Variants in OSBPL9 observed in about 807,000 individuals in gnomAD.
OSBPL9 encodes the protein oxysterol binding protein like 9.
In OSBPL9, 40 loss-of-function variants were observed where a neutral mutation model predicts 106.6. The ratio of observed to expected loss-of-function variants is 0.38; its 90% CI spans 0.29 to 0.49. The LOEUF is 0.49. OSBPL9 is among the 20% of genes least tolerant of loss of function. OSBPL9 has a pLI of 0.97. For missense variants in OSBPL9, 609 were observed against 887.2 expected, an observed-to-expected ratio of 0.69 and a Z score of 3.98; for synonymous variants, 269 against 295.4, an observed-to-expected ratio of 0.91 and a Z score of 0.92.
At chr1:51,617,057 A>G (rs1013229616), upstream of OSBPL9, 4 of 1,551,778 alleles carry the variant, frequency 2.6e-6, no homozygotes, top group Admixed American at 3.9e-5. Context: ...CGCATGCTGA[A>G]TGCCATATAG....
chr1:51,582,411 T>C (rs941578751), intron 1 of OSBPL9, among the ~76,000 whole-genome samples: 19 of 152,304 alleles, frequency 1.2e-4, no homozygotes, highest in Non-Finnish European at 8.8e-5. Flanking sequence ...AACTGCAACC[T>C]CCACCTCCTG....
intron 7 of OSBPL9, chr1:51,749,416 A>T: frequency 3.7e-6 from 1 of 269,024 alleles, no homozygotes; most frequent in East Asian, 9.5e-5. Context: ...GGGCTCAGAC[A>T]ATCCTCCTGC....
chr1:51,665,670 G>T (rs1348956203), intron 2 of OSBPL9, among the ~76,000 whole-genome samples: 1 of 152,146 alleles, frequency 6.6e-6, no homozygotes, highest in Non-Finnish European at 1.5e-5. Context: ...AGAATGCTCA[G>T]GATCATGACA....
intron 3 of OSBPL9, among the ~76,000 whole-genome samples, chr1:51,674,066 T>C (rs1262612194): frequency 1.5e-5 from 2 of 130,250 alleles, no homozygotes; most frequent in South Asian, 2.4e-4. Context: ...CTTCTTCTTC[T>C]TTTTTTTTTT....
In OSBPL9 at chr1:51,729,848, C is replaced by G; in HGVS notation, c.319-15688C>G. The G allele has an allele frequency of 8.0e-7, 1 of 1,246,744 alleles. No individual in the cohort carries two copies. Among genetic ancestry groups the G allele is most frequent in the Non-Finnish European group, 1.0e-6 (1 of 988,310 alleles). 77.2% of individuals were successfully genotyped at this position (1,246,744 alleles called of 1,614,324 possible). ...TGAAGGGGGTGTCCCGGGGGACGGG[C>G]TGAACCTCAGTCAGGACCGCCTGCA... is the stretch of plus-strand genomic sequence containing the variant. On this transcript the variant is annotated intron_variant, in intron 4 of 23. Transcript: ENST00000428468. This position sits in a 1 kb window ranked among gnomAD's most constrained non-coding sequence, Gnocchi z 5.1.
intron 2 of OSBPL9, among the ~76,000 whole-genome samples, chr1:51,608,459 ATT>A (rs112205799): frequency 6.9e-6 from 1 of 144,810 alleles, no homozygotes; most frequent in Non-Finnish European, 1.5e-5. Flanking sequence ...TGCCCAGCTA[ATT>A]TTTTTTTTTT....
chr1:51,751,467 G>T (rs569496843), intron 8 of OSBPL9, among the ~76,000 whole-genome samples: 1 of 152,012 alleles, frequency 6.6e-6, no homozygotes, highest in African/African-American at 2.4e-5. Context: ...TTCATTTCCT[G>T]TTGTAGATCA....
the OSBPL9 span, among the ~76,000 whole-genome samples, chr1:51,568,192 A>G: frequency 6.6e-6 from 1 of 152,170 alleles, no homozygotes; most frequent in Non-Finnish European, 1.5e-5. Flanking sequence ...CAGTTGAGGA[A>G]CACAACTCTC....
the OSBPL9 span, among the ~76,000 whole-genome samples, chr1:51,566,710 G>A: frequency 6.6e-6 from 1 of 151,952 alleles, no homozygotes; most frequent in Non-Finnish European, 1.5e-5. Context: ...ATGGATTCTG[G>A]GCCTCTTCTC....
intron 14 of OSBPL9, among the ~76,000 whole-genome samples, chr1:51,776,578 G>C (rs1675122348): frequency 1.3e-5 from 2 of 152,110 alleles, no homozygotes; most frequent in Admixed American, 1.3e-4. Context: ...GGGAGAAAAA[G>C]GAAGTTTCAC....
chr1:51,690,156 G>C (rs1654656805), intron 3 of OSBPL9, among the ~76,000 whole-genome samples: 1 of 152,176 alleles, frequency 6.6e-6, no homozygotes, highest in South Asian at 2.1e-4. Flanking sequence ...GAAGCCTAGA[G>C]TTAAAATAGG....
At chr1:51,730,186 T>G (rs1319868236) in intron 4 of OSBPL9, 6 of 1,229,140 alleles carry the variant, frequency 4.9e-6, no homozygotes, top group Non-Finnish European at 6.1e-6. Context: ...TTCCTCAGCC[T>G]AGATGGGGTG....
intron 1 of OSBPL9, among the ~76,000 whole-genome samples, chr1:51,638,464 A>C (rs546524283): frequency 1.3e-5 from 2 of 152,290 alleles, no homozygotes; most frequent in South Asian, 4.1e-4. Context: ...AGGAGACTAC[A>C]TTCTGGGTGT....
At chr1:51,650,096 C>G (rs535759134) in intron 1 of OSBPL9, among the ~76,000 whole-genome samples, 1 of 152,190 alleles carries the variant, frequency 6.6e-6, no homozygotes, top group Admixed American at 6.5e-5. Context: ...AGGCCGACCT[C>G]AAACTCCTGG....
intron 4 of OSBPL9, among the ~76,000 whole-genome samples, chr1:51,731,567 A>G (rs1202224956): frequency 1.3e-5 from 2 of 152,196 alleles, no homozygotes; most frequent in African/African-American, 4.8e-5. Context: ...TCTTGAGGTC[A>G]GGGGTTCGAG....
intron 4 of OSBPL9, among the ~76,000 whole-genome samples, chr1:51,718,728 A>G (rs1376406168): frequency 1.3e-5 from 2 of 152,208 alleles, no homozygotes; most frequent in East Asian, 1.9e-4. Flanking sequence ...TTGGTTTCCA[A>G]TTGAATCCTC....
chr1:51,714,057 T>C lies in OSBPL9; in HGVS notation c.296T>C (p.Leu99Pro). 1.2e-6 allele frequency: 2 copies of C among 1,609,770 alleles called. No individual in the cohort carries two copies. Residue 99 changes from leucine to proline, a missense_variant, in exon 4 of 24, where the codon CTT (leucine) becomes CCT (proline). Transcript: ENST00000428468. The stretch of plus-strand genomic sequence containing the variant: ...ATCCATGCCTTAGAAGAAACAATTC[T>C]TCGACATACTCTCCAGCTTCAAGTA... The part of the protein sequence containing the change: ...KWIHALEETI[L>P]RHTLQLQGLD...
chr1:51,521,659 G>T, the OSBPL9 span, among the ~76,000 whole-genome samples: 34 of 152,328 alleles, frequency 2.2e-4, no homozygotes, highest in African/African-American at 7.9e-4. Context: ...CACAGAGCAC[G>T]AATTCAGCCT....
At chr1:51,629,983 G>T (rs1645012764) in intron 1 of OSBPL9, among the ~76,000 whole-genome samples, 1 of 151,886 alleles carries the variant, frequency 6.6e-6, no homozygotes, top group Non-Finnish European at 1.5e-5. Context: ...ATGGGGGAGG[G>T]GGAGTTATGG....
Sources: gnomAD v4.1 joint callset for allele counts (sites outside exome capture counted in the v4.1 genomes callset) on GRCh38, gnomAD v4.1.1 for gene constraint, Gnocchi (gnomAD v3.1) non-coding constraint, MANE v1.5 for transcripts, NCBI Gene and HGNC (gene_info 2026-07-23, HGNC 2026-07-21) for gene names.